The following PIK3R4 variants were observed in gnomAD, a reference collection of about 807,000 sequenced individuals.
The protein encoded by PIK3R4 is phosphoinositide 3-kinase regulatory subunit 4.
PIK3R4 carries 46 observed loss-of-function variants against 136.5 expected under a neutral mutation model. That is an observed-to-expected ratio of 0.34 (90% CI 0.27 to 0.43). The LOEUF is 0.43. Among genes scored for constraint, PIK3R4 ranks in the 20% least tolerant of loss-of-function variants. The pLI, the probability that PIK3R4 is intolerant of heterozygous loss-of-function variation, is 1.00. For missense variants in PIK3R4, 1,331 were observed against 1,649.5 expected (o/e 0.81, Z 3.35); for synonymous variants, 557 against 566.7 (o/e 0.98, Z 0.24).
At chr3:130,744,368 T>G (rs1414763801) in intron 2 of PIK3R4, 118 bp downstream of exon 2, 1 of 1,133,336 alleles carries the variant, frequency 8.8e-7, no homozygotes, top group Non-Finnish European at 1.3e-6. Context: ...AAATAGCGTC[T>G]GAGGACAAAC....
intron 3 of PIK3R4, among the ~76,000 whole-genome samples, chr3:130,735,432 ATAT>A (rs1370778389): frequency 6.6e-6 from 1 of 152,178 alleles, no homozygotes; most frequent in Admixed American, 6.5e-5. Context: ...TCAGCTTCAT[ATAT>A]TAATACAAAG....
rs1339830087 is a variant in PIK3R4, at chr3:130,744,499, G to A, written c.720C>T (p.Asp240=). 1 of 1,609,270 alleles carries A rather than the reference G, an allele frequency of 6.2e-7. No individual in the cohort carries two copies. Among genetic ancestry groups the A allele is most frequent in the African/African-American group, 1.3e-5 (1 of 74,744 alleles). ...RTRGELKRAM[D]IFSAGCVIAE... ...CCACTCAAATACCTGCTGAAAAGAT[G>A]TCCATTGCTCTCTTCAACTCTCCTC... The change falls in exon 2 of 20, where the codon GAC becomes GAT. Residue 240 remains aspartate, a synonymous_variant. Coordinates refer to ENST00000356763, the MANE Select transcript of PIK3R4 (RefSeq NM_014602.3).
chr3:130,703,466 C>T (rs2066590490), intron 13 of PIK3R4, among the ~76,000 whole-genome samples: 1 of 152,202 alleles, frequency 6.6e-6, no homozygotes, highest in Non-Finnish European at 1.5e-5. Context: ...CCCACCTCTA[C>T]TGCATTTCCT....
chr3:130,689,050 T>C (rs1047441006), intron 14 of PIK3R4, among the ~76,000 whole-genome samples: 20 of 152,200 alleles, frequency 1.3e-4, no homozygotes, highest in African/African-American at 4.3e-4. Context: ...AATGGTTCCT[T>C]CCACAAATTC....
chr3:130,695,907 C>T (rs2066543289), intron 13 of PIK3R4, among the ~76,000 whole-genome samples: 1 of 152,080 alleles, frequency 6.6e-6, no homozygotes, highest in Admixed American at 6.5e-5. Flanking sequence ...CACCATAAAG[C>T]TATCTCAGCC....
In PIK3R4 at chr3:130,707,573, A is replaced by G. The variant is rs188736038; in HGVS notation, c.2534-438T>C. 9.9e-4 allele frequency among the ~76,000 whole-genome samples: 150 copies of G among 152,200 alleles called. 2 individuals are homozygous for G. The East Asian group carries it at 0.024, about 24-fold the overall frequency. ...TTTCTTATTAATTTGTATGTTTTAT[A>G]TATTATGGATATAAACCATTAAAAC... On this transcript the variant is annotated intron_variant, in intron 10 of 19. Coordinates refer to ENST00000356763, the MANE Select transcript of PIK3R4 (RefSeq NM_014602.3).
intron 13 of PIK3R4, among the ~76,000 whole-genome samples, chr3:130,691,879 T>TC (rs926417904): frequency 1.4e-5 from 2 of 144,088 alleles, no homozygotes; most frequent in African/African-American, 5.2e-5. Flanking sequence ...TTTTTTTTTT[T>TC]TTTTTTTTTT....
intron 3 of PIK3R4, among the ~76,000 whole-genome samples, chr3:130,735,038 T>C (rs2066778629): frequency 6.6e-6 from 1 of 152,176 alleles, no homozygotes; most frequent in African/African-American, 2.4e-5. Context: ...GACATGAAGT[T>C]ATATAACCAA....
chr3:130,713,178 T>C (rs1315750673), intron 9 of PIK3R4, among the ~76,000 whole-genome samples: 3 of 152,230 alleles, frequency 2.0e-5, no homozygotes, highest in African/African-American at 7.2e-5. Flanking sequence ...TGTTCTGCTG[T>C]TATTTCTGGT....
At position 130,733,682 on chromosome 3, in the gene PIK3R4, C is replaced by T; in HGVS notation, c.1316G>A (p.Arg439Lys). 6.2e-7 allele frequency: 1 copy of T among 1,614,114 alleles called. No homozygotes were observed. Among genetic ancestry groups the T allele is most frequent in the Non-Finnish European group, 8.5e-7 (1 of 1,179,944 alleles). The change falls in exon 4 of 20, where the codon AGG (arginine) becomes AAG (lysine). Residue 439 changes from arginine (R) to lysine (K), a missense_variant. Transcript: ENST00000356763. Reference sequence around the variant, plus strand: ...GAGAGCAAGAACTTTGGTCAACGTCCTCAAGGCTTCAGCCCTCACCCTAGG... The same window carrying T: ...GAGAGCAAGAACTTTGGTCAACGTCTTCAAGGCTTCAGCCCTCACCCTAGG... ...SVPRVRAEAL[R>K]TLTKVLALVK...
intron 12 of PIK3R4, among the ~76,000 whole-genome samples, chr3:130,704,452 T>C (rs975226135): frequency 1.3e-5 from 2 of 152,214 alleles, no homozygotes; most frequent in African/African-American, 4.8e-5. Flanking sequence ...AATTATACTT[T>C]CTAAATCTTT....
chr3:130,702,018 G>A (rs2066577403), intron 13 of PIK3R4, among the ~76,000 whole-genome samples: 1 of 152,026 alleles, frequency 6.6e-6, no homozygotes, highest in Non-Finnish European at 1.5e-5. Context: ...GCATGCGCCT[G>A]TAGTCCTAGT....
Position 130,730,433 on chromosome 3 carries a change from G to C in PIK3R4, c.1460C>G (p.Ala487Gly). 1 of 1,569,698 alleles carries C rather than the reference G, an allele frequency of 6.4e-7. No homozygotes were observed. Among genetic ancestry groups the C allele is most frequent in the Non-Finnish European group, 8.6e-7 (1 of 1,164,254 alleles). The change falls in exon 5 of 20, where the codon GCT becomes GGT. Residue 487 changes from alanine (A) to glycine (G), a missense_variant. Physicochemically the swap from Ala to Gly is moderately conservative, Grantham distance 60. Around this residue, in one of 2 missense-constraint regions of PIK3R4, gnomAD observed 1,180 missense variants for 1,407.0 expected, o/e 0.84. Transcript: ENST00000356763. The stretch of plus-strand genomic sequence containing the variant: ...TCTCAGAGCTGTTTCTGCCAGCAGA[G>C]CTATGTTTTCTATAAAATAAAAAGG... ...IVRLAYAENIALLAETALRFL... is the reference protein window; with the variant it reads ...IVRLAYAENIGLLAETALRFL...
chr3:130,686,354 A>T lies in PIK3R4; in HGVS notation c.3332T>A (p.Val1111Asp), dbSNP rs1267268461. 1 of 1,613,120 alleles carries T rather than the reference A, an allele frequency of 6.2e-7. No individual in the cohort carries two copies. Among genetic ancestry groups the T allele is most frequent in the Non-Finnish European group, 8.5e-7 (1 of 1,179,220 alleles). ...MHHFNSGAQS[V>D]LAYATVNGSL... Reference sequence around the variant, plus strand: ...GCCATTCACAGTGGCATAGGCAAGAACAGACTGTGCTCCAGAGTTGAAGTG... The same window carrying T: ...GCCATTCACAGTGGCATAGGCAAGATCAGACTGTGCTCCAGAGTTGAAGTG... Residue 1111 changes from valine to aspartate, a missense_variant, in exon 15 of 20, where the codon GTT (valine) becomes GAT (aspartate). Transcript: ENST00000356763.
intron 13 of PIK3R4, among the ~76,000 whole-genome samples, chr3:130,703,135 C>G (rs904144471): frequency 3.9e-5 from 6 of 152,154 alleles, no homozygotes; most frequent in Non-Finnish European, 7.3e-5. Context: ...CTCCTCTACT[C>G]GGAACTCTTC....
rs748148388 is a variant in PIK3R4, at chr3:130,681,533, A to G, written c.3666T>C (p.Phe1222=). ...MWDMETGDRR[F]TLWASSAPPL... Reference sequence around the variant, plus strand: ...GTGGTGCACTGCTGGCCCAGAGAGTAAATCTTCTGTCACCAGTCTCCATGT... The same window carrying G: ...GTGGTGCACTGCTGGCCCAGAGAGTGAATCTTCTGTCACCAGTCTCCATGT... Residue 1222 remains phenylalanine, a synonymous_variant, in exon 17 of 20, where the codon TTT becomes TTC. Transcript: ENST00000356763. The G allele has an allele frequency of 6.2e-7, 1 of 1,613,120 alleles. No homozygotes were observed.
intron 13 of PIK3R4, 136 bp from the exon 14 acceptor site, chr3:130,690,790 T>C (rs1047055240): frequency 1.8e-6 from 1 of 558,374 alleles, no homozygotes; most frequent in South Asian, 2.8e-5. Flanking sequence ...AAAACAAGAA[T>C]TTCCTCTCAA....
chr3:130,705,029 C>A (rs940369192), intron 12 of PIK3R4, among the ~76,000 whole-genome samples: 1 of 151,984 alleles, frequency 6.6e-6, no homozygotes, highest in African/African-American at 2.4e-5. Context: ...TGGGGTGTCA[C>A]CATGTTAACC....
At chr3:130,742,598 C>T (rs542088985) in intron 2 of PIK3R4, among the ~76,000 whole-genome samples, 3 of 152,300 alleles carry the variant, frequency 2.0e-5, no homozygotes, top group Non-Finnish European at 4.4e-5. Context: ...TATCTTGGGA[C>T]ACAGATTAGT....
Sources: allele counts gnomAD v4.1 joint callset (sites outside exome capture counted in the v4.1 genomes callset), GRCh38; gene constraint gnomAD v4.1.1; regional missense constraint gnomAD v4.1.1; transcripts MANE v1.5; gene names NCBI Gene and HGNC (gene_info 2026-07-23, HGNC 2026-07-21).